ARHGAP6: variants seen among roughly 807,000 people sequenced by gnomAD.
ARHGAP6 encodes Rho GTPase activating protein 6.
A neutral mutation model predicts 55.7 loss-of-function variants in ARHGAP6; 16 were observed. The ratio of observed to expected loss-of-function variants is 0.29; its 90% confidence interval spans 0.19 to 0.44. The LOEUF (loss-of-function observed/expected upper bound fraction) is 0.44, where lower values mean the gene tolerates loss of function less well. Ranked by LOEUF, ARHGAP6 falls within the 20% of genes least tolerant of loss-of-function variation. ARHGAP6 has a pLI of 1.00. For missense variants in ARHGAP6, 698 were observed against 808.9 expected, an observed-to-expected ratio of 0.86 and a Z score of 1.66; for synonymous variants, 382 against 360.9, an observed-to-expected ratio of 1.06 and a Z score of -0.66.
chrX:11,202,120 G>T (rs1205586285), intron 2 of ARHGAP6, among the ~76,000 whole-genome samples: 2 of 108,215 alleles, frequency 1.8e-5, no homozygotes, highest in Non-Finnish European at 3.8e-5. Context: ...TTGCTTGGAG[G>T]TCAGTTAGCA....
At chrX:11,476,845 G>T (rs2050407844) in intron 1 of ARHGAP6, among the ~76,000 whole-genome samples, 1 of 111,211 alleles carries the variant, frequency 9.0e-6, no homozygotes, top group Non-Finnish European at 1.9e-5. Context: ...AGACCTAAAT[G>T]TAATTATTAA....
intron 9 of ARHGAP6, among the ~76,000 whole-genome samples, chrX:11,161,497 C>T (rs1224351797): frequency 9.0e-6 from 1 of 111,026 alleles, no homozygotes; most frequent in East Asian, 2.8e-4. Context: ...TAAACTTGGA[C>T]ACATCAATCA....
intron 1 of ARHGAP6, among the ~76,000 whole-genome samples, chrX:11,259,448 G>C (rs926305569): frequency 8.9e-6 from 1 of 111,995 alleles, no homozygotes; most frequent in African/African-American, 3.2e-5. Context: ...TGAGCTCAAG[G>C]CTTGAATAGA....
intron 1 of ARHGAP6, among the ~76,000 whole-genome samples, chrX:11,587,978 T>G (rs893777816): frequency 8.9e-6 from 1 of 112,389 alleles, no homozygotes; most frequent in African/African-American, 3.2e-5. Flanking sequence ...GCGTTCTCCA[T>G]GAACACAGTG....
chrX:11,573,140 G>A (rs2051548849), intron 1 of ARHGAP6, among the ~76,000 whole-genome samples: 1 of 111,074 alleles, frequency 9.0e-6, no homozygotes, highest in African/African-American at 3.3e-5. Flanking sequence ...TAGGTTGCCT[G>A]TTCACTCTGA....
intron 2 of ARHGAP6, among the ~76,000 whole-genome samples, chrX:11,201,264 A>G (rs1469574115): frequency 8.9e-6 from 1 of 112,259 alleles, no homozygotes; most frequent in Non-Finnish European, 1.9e-5. Flanking sequence ...CTGAATGCCA[A>G]TGATCTCATC....
At position 11,567,413 on chromosome X, in the gene ARHGAP6, G is replaced by A. The variant is rs185144763; in HGVS notation, c.588+96828C>T. Among the ~76,000 whole-genome samples the A allele has an allele frequency of 3.0e-4, 32 of 108,091 alleles. 1 individual carries two copies. The East Asian group carries it at 8.9e-3, about 30-fold the overall frequency. 93.9% of individuals were successfully genotyped at this position (108,091 alleles called of 115,157 possible). Reference sequence around the variant, plus strand: ...TAAAAATACAAAAAATATTAGCTGGGCGTGGTGTCAGGCGCCTGTAGTCGC... The same window carrying A: ...TAAAAATACAAAAAATATTAGCTGGACGTGGTGTCAGGCGCCTGTAGTCGC... On this transcript the variant is annotated intron_variant, in intron 1 of 12. Transcript: ENST00000337414.
intron 1 of ARHGAP6, among the ~76,000 whole-genome samples, chrX:11,582,936 A>C (rs2051682569): frequency 8.9e-6 from 1 of 111,984 alleles, no homozygotes; most frequent in Non-Finnish European, 1.9e-5. Flanking sequence ...AATTTAAAAA[A>C]AGGAAAAAAT....
intron 2 of ARHGAP6, among the ~76,000 whole-genome samples, chrX:11,236,356 C>T (rs1162386227): frequency 8.9e-6 from 1 of 111,739 alleles, no homozygotes. Flanking sequence ...TTACCTCCCA[C>T]TGGGTCCCTC....
chrX:11,220,148 C>G (rs866791661), intron 2 of ARHGAP6, among the ~76,000 whole-genome samples: 7 of 109,167 alleles, frequency 6.4e-5, no homozygotes, highest in South Asian at 8.0e-4. Context: ...AATAGGGAAG[C>G]CTTTCCCCAT....
intron 1 of ARHGAP6, among the ~76,000 whole-genome samples, chrX:11,399,628 G>A (rs2049523328): frequency 9.0e-6 from 1 of 111,712 alleles, no homozygotes; most frequent in Non-Finnish European, 1.9e-5. Flanking sequence ...TCACTGGTGG[G>A]AATGTAAAAT....
chrX:11,404,374 T>C (rs1369756539), intron 1 of ARHGAP6, among the ~76,000 whole-genome samples: 3 of 112,089 alleles, frequency 2.7e-5, no homozygotes, highest in Non-Finnish European at 5.6e-5. Flanking sequence ...ACGAGAATCA[T>C]TAATAATGAA....
intron 2 of ARHGAP6, among the ~76,000 whole-genome samples, chrX:11,241,571 T>TGCGCGC (rs796874137): frequency 8.8e-5 from 9 of 101,963 alleles, no homozygotes; most frequent in Admixed American, 3.1e-4. Flanking sequence ...TGTGTGTGTG[T>TGCGCGC]GTGCGCGTGT....
At chrX:11,351,525 T>C (rs1191254021) in intron 1 of ARHGAP6, 3 of 906,568 alleles carry the variant, frequency 3.3e-6, no homozygotes, top group Non-Finnish European at 4.1e-6. Context: ...GCGTTGGAAG[T>C]GATTAGAGTA....
chrX:11,531,701 T>C (rs1224115134), intron 1 of ARHGAP6, among the ~76,000 whole-genome samples: 3 of 111,969 alleles, frequency 2.7e-5, no homozygotes, highest in East Asian at 2.8e-4. Flanking sequence ...TTATAATCCA[T>C]AGCTATCCCA....
chrX:11,362,719 A>G (rs988891927), intron 1 of ARHGAP6, among the ~76,000 whole-genome samples: 3 of 111,175 alleles, frequency 2.7e-5, no homozygotes, highest in Non-Finnish European at 5.7e-5. Flanking sequence ...TTTGAAAAAA[A>G]GTATTTCCTC....
chrX:11,637,998 C>T (rs944995401), intron 1 of ARHGAP6, among the ~76,000 whole-genome samples: 3 of 111,061 alleles, frequency 2.7e-5, no homozygotes, highest in Non-Finnish European at 5.7e-5. Context: ...TCAATGAAAT[C>T]AAGAGAAATC....
At chrX:11,329,769 C>A (rs2048540096) in intron 1 of ARHGAP6, among the ~76,000 whole-genome samples, 2 of 112,339 alleles carry the variant, frequency 1.8e-5, no homozygotes, top group Admixed American at 9.4e-5. Context: ...TGTACTTACA[C>A]AAACCTACTA....
chrX:11,521,722 G>T (rs2050929738), intron 1 of ARHGAP6, among the ~76,000 whole-genome samples: 3 of 110,858 alleles, frequency 2.7e-5, no homozygotes, highest in Non-Finnish European at 5.7e-5. Flanking sequence ...GATGGGGATG[G>T]CACTGTATCT....
Sources: allele counts gnomAD v4.1 joint callset (sites outside exome capture counted in the v4.1 genomes callset), GRCh38; gene constraint gnomAD v4.1.1; transcripts MANE v1.5; gene names NCBI Gene and HGNC (gene_info 2026-07-23, HGNC 2026-07-21).